The following IL1RAPL1 variants were observed in gnomAD, a reference collection of about 807,000 sequenced individuals.
The protein encoded by IL1RAPL1 is interleukin-1 receptor accessory protein-like 1.
In IL1RAPL1, 3 loss-of-function variants were observed where a neutral mutation model predicts 48.4. That is an observed-to-expected ratio of 0.06 (90% CI 0.03 to 0.16). The LOEUF (loss-of-function observed/expected upper bound fraction) is 0.16, where lower values mean the gene tolerates loss of function less well. IL1RAPL1 is among the 10% of genes least tolerant of loss of function. The probability of loss-of-function intolerance (pLI) is 1.00; values close to 1 mark genes in which losing one functional copy is unlikely to be tolerated. For synonymous variants in IL1RAPL1, 185 were observed against 187.7 expected (o/e 0.99, Z 0.12); for missense variants, 349 against 530.6 (o/e 0.66, Z 3.36).
At chrX:29,252,172 G>A (rs978265844) in intron 2 of IL1RAPL1, among the ~76,000 whole-genome samples, 7 of 112,438 alleles carry the variant, frequency 6.2e-5, no homozygotes, top group Non-Finnish European at 1.1e-4. Flanking sequence ...GCTAGATGAC[G>A]AGTTAGTGGG....
chrX:29,563,620 T>C (rs752831145), intron 5 of IL1RAPL1, among the ~76,000 whole-genome samples: 32 of 112,811 alleles, frequency 2.8e-4, no homozygotes, highest in African/African-American at 1.0e-3. Flanking sequence ...AAAGTTCTTC[T>C]TTAATGAAAC....
chrX:29,158,916 C>A (rs372746466), intron 2 of IL1RAPL1, among the ~76,000 whole-genome samples: 1 of 61,544 alleles, frequency 1.6e-5, no homozygotes, highest in Non-Finnish European at 2.8e-5. Context: ...TCTTTTCTCT[C>A]TCTCTCTCTC....
At chrX:29,036,287 C>A (rs1926730311) in intron 2 of IL1RAPL1, among the ~76,000 whole-genome samples, 1 of 112,149 alleles carries the variant, frequency 8.9e-6, no homozygotes, top group Admixed American at 9.5e-5. Flanking sequence ...ACTCTTTCCA[C>A]CTGTAACATA....
At chrX:29,048,072 T>A (rs2147422524) in intron 2 of IL1RAPL1, among the ~76,000 whole-genome samples, 1 of 111,720 alleles carries the variant, frequency 9.0e-6, no homozygotes, top group African/African-American at 3.2e-5. Context: ...CTGCAACTTT[T>A]ACGTGTATGT....
rs1465996406 is a variant in IL1RAPL1, at chrX:29,956,131, T to C, written c.*311T>C. ...AAACCCTTTTTTTGCTTCATTAGTT[T>C]AGTTTTAGAATGGGTTTTTATTTTA... is the stretch of plus-strand genomic sequence containing the variant. On this transcript the variant is annotated 3_prime_UTR_variant, in exon 11 of 11. Transcript: ENST00000378993. 7.0e-6 allele frequency: 2 copies of C among 285,372 alleles called. No homozygotes were observed. Among genetic ancestry groups the C allele is most frequent in the Non-Finnish European group, 1.2e-5 (2 of 164,168 alleles). 23.5% of individuals were successfully genotyped at this position (285,372 alleles called of 1,213,427 possible). A position where few individuals can be genotyped will look rare whatever the true frequency, so the allele number is the denominator to read the frequency against.
chrX:28,836,122 T>G (rs998276528), intron 2 of IL1RAPL1, among the ~76,000 whole-genome samples: 2 of 110,069 alleles, frequency 1.8e-5, no homozygotes, highest in Non-Finnish European at 3.8e-5. Flanking sequence ...TTTCTTGTAC[T>G]AGGCATTTAG....
At chrX:28,815,051 C>A (rs771458809) in intron 2 of IL1RAPL1, among the ~76,000 whole-genome samples, 1 of 110,127 alleles carries the variant, frequency 9.1e-6, no homozygotes, top group Non-Finnish European at 1.9e-5. Flanking sequence ...TACATTGTTA[C>A]TATTATTAAA....
chrX:29,816,079 A>G (rs747198187), intron 6 of IL1RAPL1, among the ~76,000 whole-genome samples: 3 of 111,635 alleles, frequency 2.7e-5, no homozygotes, highest in African/African-American at 9.7e-5. Context: ...AAATCATAGC[A>G]GAAGTGAACA....
At chrX:29,519,236 T>C (rs770016781) in intron 5 of IL1RAPL1, among the ~76,000 whole-genome samples, 69 of 111,779 alleles carry the variant, frequency 6.2e-4, no homozygotes, top group Non-Finnish European at 1.0e-3. Context: ...GGCAATTGTA[T>C]ATGAGAGCCT....
intron 5 of IL1RAPL1, among the ~76,000 whole-genome samples, chrX:29,477,037 C>T (rs927575071): frequency 2.2e-4 from 23 of 106,662 alleles, no homozygotes; most frequent in African/African-American, 8.0e-4. Flanking sequence ...CCCGCCACCG[C>T]GCCCGGCTAA....
intron 2 of IL1RAPL1, among the ~76,000 whole-genome samples, chrX:29,261,323 G>C (rs1168438395): frequency 9.0e-6 from 1 of 110,912 alleles, no homozygotes; most frequent in Admixed American, 9.7e-5. Context: ...ATAATTTGTA[G>C]GCAAAAAATA....
intron 6 of IL1RAPL1, among the ~76,000 whole-genome samples, chrX:29,731,061 G>T (rs1272701109): frequency 8.9e-6 from 1 of 111,971 alleles, no homozygotes; most frequent in East Asian, 2.8e-4. Context: ...TGGTACGTTG[G>T]TCAAGAGACC....
chrX:29,321,334 G>A (rs1932802271), intron 3 of IL1RAPL1, among the ~76,000 whole-genome samples: 2 of 111,878 alleles, frequency 1.8e-5, no homozygotes, highest in South Asian at 7.4e-4. Context: ...TTGGTTACTT[G>A]ATTACTGAGA....
chrX:28,964,416 C>T (rs1234147882), intron 2 of IL1RAPL1, among the ~76,000 whole-genome samples: 1 of 111,686 alleles, frequency 9.0e-6, no homozygotes, highest in African/African-American at 3.2e-5. Context: ...ATATTTTCCA[C>T]TTAATCACGA....
At chrX:29,766,360 T>TAG (rs1289264172) in intron 6 of IL1RAPL1, among the ~76,000 whole-genome samples, 41 of 72,775 alleles carry the variant, frequency 5.6e-4, no homozygotes, top group African/African-American at 2.1e-3. Context: ...TATATATATA[T>TAG]ATAGATAGAT....
intron 2 of IL1RAPL1, among the ~76,000 whole-genome samples, chrX:28,954,150 A>C (rs1924542415): frequency 9.0e-6 from 1 of 111,481 alleles, no homozygotes; most frequent in Non-Finnish European, 1.9e-5. Flanking sequence ...TAAAAGTTCA[A>C]TTTCAGTGTT....
intron 2 of IL1RAPL1, among the ~76,000 whole-genome samples, chrX:29,035,386 A>T (rs1057279769): frequency 8.9e-6 from 1 of 112,428 alleles, no homozygotes; most frequent in Admixed American, 9.5e-5. Flanking sequence ...GTAACATATT[A>T]AAAAGATTTC....
intron 6 of IL1RAPL1, among the ~76,000 whole-genome samples, chrX:29,809,771 G>A (rs981294010): frequency 9.7e-6 from 1 of 102,592 alleles, no homozygotes; most frequent in African/African-American, 3.8e-5. Flanking sequence ...TACCCAAGTC[G>A]TTAACTTTTT....
At chrX:29,331,174 T>TA (rs1036194098) in intron 3 of IL1RAPL1, among the ~76,000 whole-genome samples, 11 of 111,183 alleles carry the variant, frequency 9.9e-5, no homozygotes, top group Admixed American at 9.5e-4. Context: ...GTCTAAAAAA[T>TA]AAAAAAATAA....
Sources: gnomAD v4.1 joint callset for allele counts (sites outside exome capture counted in the v4.1 genomes callset) on GRCh38, gnomAD v4.1.1 for gene constraint, MANE v1.5 for transcripts, NCBI Gene and HGNC (gene_info 2026-07-23, HGNC 2026-07-21) for gene names.